Variants in GALNT13 observed in about 807,000 individuals in gnomAD.
GALNT13 encodes the protein UDP-GalNAc:polypeptide N-acetylgalactosaminyltransferase 13.
A neutral mutation model predicts 64.2 loss-of-function variants in GALNT13; 28 were observed. The observed-to-expected ratio is 0.44, with a 90% CI of 0.32 to 0.60. The LOEUF is 0.60. GALNT13 is among the 20% of genes least tolerant of loss of function. The pLI is 0.05. For missense variants in GALNT13, 577 were observed against 669.8 expected, an observed-to-expected ratio of 0.86 and a Z score of 1.53; for synonymous variants, 214 against 224.6, an observed-to-expected ratio of 0.95 and a Z score of 0.42.
At chr2:153,481,347 C>A in the GALNT13 span, among the ~76,000 whole-genome samples, 2 of 152,196 alleles carry the variant, frequency 1.3e-5, no homozygotes, top group African/African-American at 4.8e-5. Context: ...TTTTATTTAT[C>A]TTTTCCTTTT....
chr2:153,525,563 A>G, the GALNT13 span, among the ~76,000 whole-genome samples: 1 of 152,096 alleles, frequency 6.6e-6, no homozygotes, highest in East Asian at 1.9e-4. Context: ...TTTGATTTTC[A>G]CTGAAGTGTG....
At chr2:153,683,790 A>C in the GALNT13 span, among the ~76,000 whole-genome samples, 1 of 151,644 alleles carries the variant, frequency 6.6e-6, no homozygotes, top group Non-Finnish European at 1.5e-5. Context: ...ATCATTTCTA[A>C]TCTTTTGGGA....
At chr2:153,615,510 C>T in the GALNT13 span, among the ~76,000 whole-genome samples, 7 of 152,140 alleles carry the variant, frequency 4.6e-5, no homozygotes, top group African/African-American at 1.7e-4. Flanking sequence ...CAAGGGTTGT[C>T]TTTTCTCCAC....
chr2:154,422,737 A>G (rs905434677), intron 11 of GALNT13, among the ~76,000 whole-genome samples: 5 of 152,174 alleles, frequency 3.3e-5, no homozygotes, highest in African/African-American at 1.2e-4. Flanking sequence ...AGGAATGATC[A>G]AAGTGGTCTT....
intron 4 of GALNT13, among the ~76,000 whole-genome samples, chr2:154,177,592 G>T (rs1030322826): frequency 1.3e-5 from 2 of 151,988 alleles, no homozygotes; most frequent in African/African-American, 2.4e-5. Context: ...ATCACTATTG[G>T]CTCAACCATT....
At chr2:154,015,034 A>G (rs1030519388) in intron 3 of GALNT13, among the ~76,000 whole-genome samples, 1 of 152,220 alleles carries the variant, frequency 6.6e-6, no homozygotes, top group African/African-American at 2.4e-5. Flanking sequence ...AAAACAAAAC[A>G]TGCATATTAT....
At chr2:154,351,343 T>G (rs1696385730) in intron 9 of GALNT13, among the ~76,000 whole-genome samples, 1 of 152,064 alleles carries the variant, frequency 6.6e-6, no homozygotes, top group Non-Finnish European at 1.5e-5. Flanking sequence ...CTTGTTGATG[T>G]TTGCCGTTGT....
chr2:153,076,955 A>G, the GALNT13 span, among the ~76,000 whole-genome samples: 1 of 150,308 alleles, frequency 6.7e-6, no homozygotes, highest in Non-Finnish European at 1.5e-5. Flanking sequence ...AAATTTTTAT[A>G]TATTTATTTA....
the GALNT13 span, among the ~76,000 whole-genome samples, chr2:153,837,663 CATTT>C: frequency 1.8e-3 from 275 of 152,120 alleles, 1 homozygote; most frequent in African/African-American, 6.1e-3. Context: ...TTTATCCATT[CATTT>C]GTCAATGAAT....
the GALNT13 span, among the ~76,000 whole-genome samples, chr2:153,374,519 G>A: frequency 1.3e-5 from 2 of 152,012 alleles, no homozygotes; most frequent in Admixed American, 6.6e-5. Context: ...TCAATCTGAT[G>A]TTTTACACTG....
chr2:154,008,121 C>T (rs1696381803), intron 3 of GALNT13, among the ~76,000 whole-genome samples: 1 of 152,174 alleles, frequency 6.6e-6, no homozygotes, highest in South Asian at 2.1e-4. Flanking sequence ...TCATAAGAGA[C>T]AGGATCAACT....
chr2:153,725,303 T>C, the GALNT13 span, among the ~76,000 whole-genome samples: 2 of 150,332 alleles, frequency 1.3e-5, no homozygotes, highest in African/African-American at 4.9e-5. Context: ...CTGGGGACTG[T>C]GGTGTGGAGG....
chr2:153,998,279 A>G (rs1296678475), intron 3 of GALNT13, among the ~76,000 whole-genome samples: 2 of 152,008 alleles, frequency 1.3e-5, no homozygotes, highest in Non-Finnish European at 2.9e-5. Context: ...AAGTGTTCCT[A>G]TTTCTCCACA....
the GALNT13 span, among the ~76,000 whole-genome samples, chr2:153,512,498 T>C: frequency 6.6e-6 from 1 of 152,174 alleles, no homozygotes; most frequent in Non-Finnish European, 1.5e-5. Flanking sequence ...GAGTGTGAGC[T>C]CTGGAGCCTA....
chr2:153,595,903 G>A, the GALNT13 span, among the ~76,000 whole-genome samples: 1 of 152,098 alleles, frequency 6.6e-6, no homozygotes, highest in South Asian at 2.1e-4. Context: ...TAAAATAAGT[G>A]GTATAAATAT....
At chr2:153,966,722 AG>A (rs1693386616) in intron 3 of GALNT13, among the ~76,000 whole-genome samples, 1 of 151,300 alleles carries the variant, frequency 6.6e-6, no homozygotes, top group South Asian at 2.1e-4. Context: ...ATATGCTTTA[AG>A]GTAATCTTAT....
chr2:154,136,423 A>T (rs1457877475), intron 3 of GALNT13, among the ~76,000 whole-genome samples: 2 of 152,128 alleles, frequency 1.3e-5, no homozygotes, highest in Non-Finnish European at 2.9e-5. Context: ...TCCTAGATAT[A>T]GACTAGTTCA....
chr2:153,739,114 T>G, the GALNT13 span, among the ~76,000 whole-genome samples: 5 of 152,032 alleles, frequency 3.3e-5, no homozygotes, highest in African/African-American at 1.2e-4. Flanking sequence ...TATAACTAAC[T>G]GGACTCTAAT....
chr2:154,116,037 T>C (rs1411891131), intron 3 of GALNT13, among the ~76,000 whole-genome samples: 12 of 152,130 alleles, frequency 7.9e-5, no homozygotes, highest in Admixed American at 7.9e-4. Context: ...GTGAAGATAA[T>C]CAACATTATC....
Sources: allele counts gnomAD v4.1 joint callset (sites outside exome capture counted in the v4.1 genomes callset), GRCh38; gene constraint gnomAD v4.1.1; transcripts MANE v1.5; gene names NCBI Gene and HGNC (gene_info 2026-07-23, HGNC 2026-07-21).